TOX3: variants seen among roughly 807,000 people sequenced by gnomAD.
TOX3 encodes TOX high mobility group box family member 3.
Under a neutral mutation model 64.3 loss-of-function variants are expected in TOX3, and 22 were observed. The ratio of observed to expected loss-of-function variants is 0.34; its 90% CI spans 0.24 to 0.49. The LOEUF (loss-of-function observed/expected upper bound fraction) is 0.49, where lower values mean the gene tolerates loss of function less well. Among genes scored for constraint, TOX3 ranks in the 20% least tolerant of loss-of-function variants. The probability of loss-of-function intolerance (pLI) is 0.99; values close to 1 mark genes in which losing one functional copy is unlikely to be tolerated. For missense variants in TOX3, 661 were observed against 714.4 expected (o/e 0.93, Z 0.85); for synonymous variants, 291 against 273.6 (o/e 1.06, Z -0.63).
At chr16:52,501,445 G>A (rs1034323179) in intron 1 of TOX3, among the ~76,000 whole-genome samples, 7 of 152,156 alleles carry the variant, frequency 4.6e-5, no homozygotes, top group Non-Finnish European at 1.0e-4. Flanking sequence ...GCTGAGGCGG[G>A]CGGATCACCT....
chr16:52,512,678 G>A (rs965181500), intron 1 of TOX3, among the ~76,000 whole-genome samples: 1 of 152,148 alleles, frequency 6.6e-6, no homozygotes, highest in African/African-American at 2.4e-5. Flanking sequence ...CTTTTGAAAG[G>A]CTTCTCAGAA....
chr16:52,511,233 C>T (rs1962300278), intron 1 of TOX3, among the ~76,000 whole-genome samples: 1 of 152,130 alleles, frequency 6.6e-6, no homozygotes, highest in Non-Finnish European at 1.5e-5. Flanking sequence ...GTGACTCATG[C>T]CTGTAATCCC....
intron 2 of TOX3, among the ~76,000 whole-genome samples, chr16:52,468,160 C>G (rs1052289710): frequency 3.3e-5 from 5 of 152,198 alleles, no homozygotes; most frequent in African/African-American, 1.2e-4. Flanking sequence ...AAAGTCACTT[C>G]TAGCCTGGTA....
At chr16:52,467,984 T>G (rs1255062445) in intron 2 of TOX3, among the ~76,000 whole-genome samples, 1 of 152,192 alleles carries the variant, frequency 6.6e-6, no homozygotes, top group Non-Finnish European at 1.5e-5. Context: ...TGCCAGGCAC[T>G]GTACTGGGCT....
At chr16:52,453,728 A>G (rs142349487) in intron 3 of TOX3, among the ~76,000 whole-genome samples, 1 of 152,090 alleles carries the variant, frequency 6.6e-6, no homozygotes, top group Non-Finnish European at 1.5e-5. Flanking sequence ...TGCTCGATTG[A>G]CTCACCCCAC....
intron 1 of TOX3, among the ~76,000 whole-genome samples, chr16:52,512,013 C>T (rs1962325779): frequency 6.6e-6 from 1 of 152,160 alleles, no homozygotes; most frequent in African/African-American, 2.4e-5. Context: ...GTTGCCTATT[C>T]CTCAACTTTA....
chr16:52,440,823 C>T (rs140974715), intron 6 of TOX3, among the ~76,000 whole-genome samples: 18 of 136,446 alleles, frequency 1.3e-4, no homozygotes, highest in South Asian at 4.8e-4. Flanking sequence ...TGCAGCGGCG[C>T]GATCTCAGCT....
At chr16:52,466,831 T>A (rs1337719929) in intron 2 of TOX3, among the ~76,000 whole-genome samples, 1 of 152,092 alleles carries the variant, frequency 6.6e-6, no homozygotes, top group Non-Finnish European at 1.5e-5. Flanking sequence ...GGTAATATAT[T>A]AAAATTAAGC....
chr16:52,527,275 T>C (rs981939333), intron 1 of TOX3, among the ~76,000 whole-genome samples: 3 of 151,992 alleles, frequency 2.0e-5, no homozygotes, highest in Non-Finnish European at 4.4e-5. Flanking sequence ...TTAGGAGAAA[T>C]GGAACAAGAA....
At chr16:52,461,273 C>T (rs1960678265) in intron 3 of TOX3, among the ~76,000 whole-genome samples, 1 of 152,098 alleles carries the variant, frequency 6.6e-6, no homozygotes, top group African/African-American at 2.4e-5. Context: ...TTTTAAAATA[C>T]ACGTATTCAC....
intron 4 of TOX3, 141 bp from the exon 5 acceptor site, chr16:52,446,362 G>A: frequency 3.6e-6 from 3 of 833,418 alleles, no homozygotes; most frequent in East Asian, 5.3e-5. Flanking sequence ...CGGGGGAGGG[G>A]TAAACTTGCT....
At chr16:52,495,523 G>A (rs911026424) in intron 1 of TOX3, among the ~76,000 whole-genome samples, 10 of 152,116 alleles carry the variant, frequency 6.6e-5, no homozygotes, top group Non-Finnish European at 1.3e-4. Flanking sequence ...AACCCTATTG[G>A]GGGAGTATTA....
At chr16:52,462,676 A>G (rs1960727125) in intron 3 of TOX3, among the ~76,000 whole-genome samples, 1 of 152,116 alleles carries the variant, frequency 6.6e-6, no homozygotes, top group African/African-American at 2.4e-5. Context: ...TAAGCAAAAC[A>G]TTGCAAGCCT....
At chr16:52,510,691 G>A (rs1323969297) in intron 1 of TOX3, among the ~76,000 whole-genome samples, 2 of 147,044 alleles carry the variant, frequency 1.4e-5, no homozygotes, top group Non-Finnish European at 1.5e-5. Context: ...GGGAGGTGGA[G>A]GTTGCAGTGA....
chr16:52,482,690 C>T (rs1468994596), intron 1 of TOX3, among the ~76,000 whole-genome samples: 1 of 152,146 alleles, frequency 6.6e-6, no homozygotes, highest in Non-Finnish European at 1.5e-5. Flanking sequence ...ACACTACTTA[C>T]CTTTAAAGTA....
At chr16:52,444,211 A>G in intron 6 of TOX3, 65 bp downstream of exon 6, 2 of 1,281,920 alleles carry the variant, frequency 1.6e-6, no homozygotes, top group South Asian at 3.3e-5. Context: ...TATGTTTTCA[A>G]TGCTTGAGGG....
chr16:52,465,005 CTTTTTTTTTT>C (rs1168498170), intron 2 of TOX3, among the ~76,000 whole-genome samples: 6 of 70,942 alleles, frequency 8.5e-5, no homozygotes, highest in Non-Finnish European at 1.5e-4. Flanking sequence ...TTAATGCATT[CTTTTTTTTTT>C]TTTTTTTTTT....
chr16:52,518,911 C>T (rs892373105), intron 1 of TOX3, among the ~76,000 whole-genome samples: 1 of 151,974 alleles, frequency 6.6e-6, no homozygotes, highest in Non-Finnish European at 1.5e-5. Flanking sequence ...TGTGGTTGAG[C>T]AAATCATTTC....
chr16:52,501,761 C>T (rs1302425203), intron 1 of TOX3, among the ~76,000 whole-genome samples: 1 of 151,948 alleles, frequency 6.6e-6, no homozygotes, highest in African/African-American at 2.4e-5. Flanking sequence ...GTGGATTATA[C>T]TAGTGAAAGT....
Sources: allele counts gnomAD v4.1 joint callset (sites outside exome capture counted in the v4.1 genomes callset), GRCh38; gene constraint gnomAD v4.1.1; transcripts MANE v1.5; gene names NCBI Gene and HGNC (gene_info 2026-07-23, HGNC 2026-07-21).